FLT1: variants seen among roughly 807,000 people sequenced by gnomAD.
The protein encoded by FLT1 is vascular endothelial growth factor receptor 1.
FLT1 carries 49 observed loss-of-function variants against 156.3 expected under a neutral mutation model. That is an observed-to-expected ratio of 0.31 (90% CI 0.25 to 0.40). The LOEUF is 0.40. FLT1 is among the 10% of genes least tolerant of loss of function. The pLI is 1.00. For missense variants in FLT1, 1,322 were observed against 1,637.2 expected (o/e 0.81, Z 3.32); for synonymous variants, 594 against 583.8 (o/e 1.02, Z -0.25).
At chr13:28,484,027 G>C (rs576744723) in intron 1 of FLT1, among the ~76,000 whole-genome samples, 16 of 152,302 alleles carry the variant, frequency 1.1e-4, no homozygotes, top group African/African-American at 3.8e-4. Context: ...CAGCCTTGGG[G>C]CTTCAATCCA....
chr13:28,358,029 C>T (rs1214117463), intron 14 of FLT1, among the ~76,000 whole-genome samples: 1 of 152,110 alleles, frequency 6.6e-6, no homozygotes, highest in Non-Finnish European at 1.5e-5. Flanking sequence ...ATCAAGAAGG[C>T]AGCATATCTA....
intron 11 of FLT1, chr13:28,399,228 A>T (rs1344082860): frequency 4.9e-6 from 3 of 612,880 alleles, no homozygotes; most frequent in East Asian, 2.9e-5. Context: ...AGGAGCTCAG[A>T]TGAAGCCTTT....
chr13:28,457,933 C>CT (rs894090277), intron 3 of FLT1, among the ~76,000 whole-genome samples: 2,794 of 114,130 alleles, frequency 0.024, 120 homozygotes, highest in African/African-American at 0.055. Context: ...CTTTCCTTTT[C>CT]TTTTTTTTTT....
chr13:28,311,396 G>A (rs926992091), intron 27 of FLT1, among the ~76,000 whole-genome samples, 194 bp downstream of exon 27: 20 of 152,082 alleles, frequency 1.3e-4, no homozygotes, highest in African/African-American at 4.4e-4. Flanking sequence ...GACAAAATAG[G>A]GCAAAATGTT....
intron 25 of FLT1, among the ~76,000 whole-genome samples, chr13:28,316,342 G>A (rs1871203234): frequency 6.6e-6 from 1 of 152,240 alleles, no homozygotes; most frequent in Non-Finnish European, 1.5e-5. Context: ...GCCAGCCAGG[G>A]CTTCTGACAG....
chr13:28,486,679 C>T (rs1881187819), intron 1 of FLT1, among the ~76,000 whole-genome samples: 1 of 152,248 alleles, frequency 6.6e-6, no homozygotes, highest in Admixed American at 6.5e-5. Flanking sequence ...GTCCCCCTCT[C>T]CTCAGAAGGC....
chr13:28,491,053 A>T (rs910453527), intron 1 of FLT1, among the ~76,000 whole-genome samples: 1 of 152,176 alleles, frequency 6.6e-6, no homozygotes, highest in Non-Finnish European at 1.5e-5. Context: ...GTCTTGCCCA[A>T]CTGCCCAAGC....
chr13:28,347,393 TG>T (rs966811753), intron 15 of FLT1, among the ~76,000 whole-genome samples: 1 of 151,058 alleles, frequency 6.6e-6, no homozygotes, highest in Admixed American at 6.6e-5. Context: ...CTGGGTGTGG[TG>T]GGGGGGCACC....
chr13:28,391,964 C>A (rs1356766415), intron 12 of FLT1, among the ~76,000 whole-genome samples: 1 of 152,148 alleles, frequency 6.6e-6, no homozygotes, highest in Non-Finnish European at 1.5e-5. Context: ...TTACAAAGTG[C>A]TTTGAAGATG....
At chr13:28,346,547 C>T (rs1872573135) in intron 15 of FLT1, among the ~76,000 whole-genome samples, 1 of 91,248 alleles carries the variant, frequency 1.1e-5, no homozygotes, top group African/African-American at 3.2e-5. Flanking sequence ...TAGCAAGATG[C>T]CTTCTCTTAA....
intron 27 of FLT1, among the ~76,000 whole-genome samples, chr13:28,310,560 G>A (rs1870959437): frequency 6.6e-6 from 1 of 152,250 alleles, no homozygotes; most frequent in South Asian, 2.1e-4. Flanking sequence ...CTGTGTAACC[G>A]TCATCCCTGC....
chr13:28,342,134 C>T (rs1422345542), intron 16 of FLT1, among the ~76,000 whole-genome samples: 4 of 152,154 alleles, frequency 2.6e-5, no homozygotes, highest in Admixed American at 6.5e-5. Context: ...CTGCCCGCCT[C>T]GGCCTCCCAA....
intron 1 of FLT1, among the ~76,000 whole-genome samples, chr13:28,491,935 G>A (rs1394718828): frequency 6.6e-6 from 1 of 152,188 alleles, no homozygotes; most frequent in Non-Finnish European, 1.5e-5. Flanking sequence ...ATGTAACAAA[G>A]TGCTAAAATA....
At chr13:28,355,443 G>A (rs955360994) in intron 15 of FLT1, among the ~76,000 whole-genome samples, 1 of 152,144 alleles carries the variant, frequency 6.6e-6, no homozygotes. Flanking sequence ...TTTATAATTC[G>A]GTAGGGAAGA....
At chr13:28,368,020 A>G (rs1171679895) in intron 14 of FLT1, 1 of 279,934 alleles carries the variant, frequency 3.6e-6, no homozygotes, top group Non-Finnish European at 5.4e-6. Context: ...TGTTTTTCAA[A>G]GGTGAGGATT....
At chr13:28,398,764 T>C (rs1875228197) in intron 11 of FLT1, among the ~76,000 whole-genome samples, 1 of 152,216 alleles carries the variant, frequency 6.6e-6, no homozygotes, top group Non-Finnish European at 1.5e-5. Context: ...ATTGCCCAGA[T>C]GTTGTAAGAG....
intron 11 of FLT1, chr13:28,399,066 T>G (rs1207538676): frequency 1.9e-6 from 3 of 1,550,984 alleles, no homozygotes; most frequent in African/African-American, 2.7e-5. Context: ...ATGGAAGTAG[T>G]TGGAAGAGAA....
At chr13:28,389,570 G>A (rs992302128) in intron 13 of FLT1, 29 of 1,436,978 alleles carry the variant, frequency 2.0e-5, no homozygotes, top group African/African-American at 4.3e-5. Context: ...GCTGGGGCCC[G>A]GGGGTCTCAT....
chr13:28,364,848 G>A (rs944919011), intron 14 of FLT1, among the ~76,000 whole-genome samples: 1 of 152,058 alleles, frequency 6.6e-6, no homozygotes, highest in African/African-American at 2.4e-5. Flanking sequence ...AATTATGATT[G>A]CTTGATAACA....
Sources: gnomAD v4.1 joint callset for allele counts (sites outside exome capture counted in the v4.1 genomes callset) on GRCh38, gnomAD v4.1.1 for gene constraint, MANE v1.5 for transcripts, NCBI Gene and HGNC (gene_info 2026-07-23, HGNC 2026-07-21) for gene names.